ATP10B: variants seen among roughly 807,000 people sequenced by gnomAD.
ATP10B encodes ATPase phospholipid transporting 10B (putative).
In ATP10B, 122 loss-of-function variants were observed where a neutral mutation model predicts 141.2. That is an observed-to-expected ratio of 0.86 (90% CI 0.75 to 1.00). The LOEUF is 1.00. Among genes scored for constraint, ATP10B ranks in the 50% least tolerant of loss-of-function variants. The pLI, the probability that ATP10B is intolerant of heterozygous loss-of-function variation, is 0.00. For synonymous variants in ATP10B, 685 were observed against 692.0 expected (o/e 0.99, Z 0.16); for missense variants, 1,876 against 1,825.3 (o/e 1.03, Z -0.51).
At chr5:160,866,661 C>A in the ATP10B span, among the ~76,000 whole-genome samples, 3 of 152,036 alleles carry the variant, frequency 2.0e-5, no homozygotes, top group South Asian at 2.1e-4. Context: ...GCAACAAGAG[C>A]AAAACCCTGT....
intron 2 of ATP10B, among the ~76,000 whole-genome samples, chr5:160,739,558 TAA>T (rs758332548): frequency 6.6e-6 from 1 of 152,208 alleles, no homozygotes; most frequent in Non-Finnish European, 1.5e-5. Flanking sequence ...TAAAACTCCA[TAA>T]AATTACTAAA....
chr5:160,867,484 G>A, the ATP10B span, among the ~76,000 whole-genome samples: 1 of 152,080 alleles, frequency 6.6e-6, no homozygotes, highest in Non-Finnish European at 1.5e-5. Context: ...CAGAAATGGG[G>A]CTACTCCTGA....
chr5:160,796,223 T>C (rs1372455260), intron 1 of ATP10B, among the ~76,000 whole-genome samples: 4 of 152,218 alleles, frequency 2.6e-5, no homozygotes, highest in Admixed American at 2.0e-4. Flanking sequence ...CCTCTTTCCC[T>C]GAGAACTCTC....
At chr5:160,906,246 AT>A in the ATP10B span, among the ~76,000 whole-genome samples, 1 of 151,328 alleles carries the variant, frequency 6.6e-6, no homozygotes, top group South Asian at 2.2e-4. Flanking sequence ...ATGGAAGTAG[AT>A]TGTGTTTGGA....
At chr5:160,850,366 T>C (rs1289029203) in intron 1 of ATP10B, among the ~76,000 whole-genome samples, 1 of 151,992 alleles carries the variant, frequency 6.6e-6, no homozygotes, top group Admixed American at 6.6e-5. Context: ...AGAGGTTGCA[T>C]TGAGCTGAGA....
At chr5:160,729,002 T>A (rs1236653527) in intron 2 of ATP10B, among the ~76,000 whole-genome samples, 1 of 152,168 alleles carries the variant, frequency 6.6e-6, no homozygotes, top group African/African-American at 2.4e-5. Flanking sequence ...GCCACAGAGC[T>A]CCCTGATCCT....
At chr5:160,595,659 A>G (rs1431129695) in intron 22 of ATP10B, among the ~76,000 whole-genome samples, 2 of 151,914 alleles carry the variant, frequency 1.3e-5, no homozygotes, top group East Asian at 3.9e-4. Context: ...ATTAATAAAG[A>G]AAAAAAGAGA....
At chr5:160,756,855 T>C (rs1363518994) in intron 2 of ATP10B, among the ~76,000 whole-genome samples, 5 of 152,202 alleles carry the variant, frequency 3.3e-5, no homozygotes, top group East Asian at 1.9e-4. Context: ...TTTAGACATA[T>C]TGTCTTTTGT....
At chr5:160,859,498 C>T in the ATP10B span, among the ~76,000 whole-genome samples, 53 of 151,322 alleles carry the variant, frequency 3.5e-4, no homozygotes, top group Middle Eastern at 3.4e-3. Context: ...AAGCACAGGC[C>T]CCCTCCCCAT....
At chr5:160,727,726 C>T (rs901276252) in intron 2 of ATP10B, among the ~76,000 whole-genome samples, 1 of 152,058 alleles carries the variant, frequency 6.6e-6, no homozygotes, top group African/African-American at 2.4e-5. Flanking sequence ...CTCAGGATCC[C>T]AAAGTCCTTA....
At chr5:160,720,452 T>C (rs753167425) in intron 2 of ATP10B, among the ~76,000 whole-genome samples, 23 of 152,246 alleles carry the variant, frequency 1.5e-4, no homozygotes, top group Non-Finnish European at 2.9e-4. Flanking sequence ...TCTTAAACAC[T>C]TTTCTTTGCT....
chr5:160,925,228 T>C, the ATP10B span, among the ~76,000 whole-genome samples: 307 of 152,372 alleles, frequency 2.0e-3, 3 homozygotes, highest in African/African-American at 7.2e-3. Context: ...CTATTATTCA[T>C]TAGTTCCTTA....
At chr5:160,863,724 G>C in the ATP10B span, among the ~76,000 whole-genome samples, 1 of 151,930 alleles carries the variant, frequency 6.6e-6, no homozygotes, top group African/African-American at 2.4e-5. Flanking sequence ...CAAGAAGAGA[G>C]AAGATCTGAA....
chr5:160,677,194 C>T (rs1163895312), intron 6 of ATP10B, among the ~76,000 whole-genome samples: 2 of 152,216 alleles, frequency 1.3e-5, no homozygotes, highest in Non-Finnish European at 2.9e-5. Flanking sequence ...TTTTATGACT[C>T]TCCCACCCAG....
chr5:160,569,812 G>A, intron 24 of ATP10B, 129 bp from the exon 25 acceptor site: 1 of 735,054 alleles, frequency 1.4e-6, no homozygotes, highest in South Asian at 2.2e-5. Context: ...TCAAAAAAGT[G>A]TGCAGCTTAA....
intron 1 of ATP10B, among the ~76,000 whole-genome samples, chr5:160,815,927 A>G (rs1018974187): frequency 6.6e-6 from 1 of 152,180 alleles, no homozygotes; most frequent in Non-Finnish European, 1.5e-5. Context: ...GTACATAACG[A>G]AATGAAGGCA....
At chr5:160,804,119 A>G (rs1772606450) in intron 1 of ATP10B, among the ~76,000 whole-genome samples, 1 of 152,186 alleles carries the variant, frequency 6.6e-6, no homozygotes, top group African/African-American at 2.4e-5. Flanking sequence ...ATACATAGAG[A>G]TAAGCAGATC....
chr5:160,645,837 C>A (rs1479686449), intron 8 of ATP10B, among the ~76,000 whole-genome samples: 1 of 152,146 alleles, frequency 6.6e-6, no homozygotes, highest in East Asian at 1.9e-4. Context: ...AGCCTCATGA[C>A]AACCTTATAA....
At chr5:160,678,388 G>A (rs180797284) in intron 6 of ATP10B, among the ~76,000 whole-genome samples, 62 of 152,300 alleles carry the variant, frequency 4.1e-4, no homozygotes, top group African/African-American at 1.4e-3. Flanking sequence ...GGCTGGGCGT[G>A]GTGGCTCACG....
Sources: gnomAD v4.1 joint callset for allele counts (sites outside exome capture counted in the v4.1 genomes callset) on GRCh38, gnomAD v4.1.1 for gene constraint, MANE v1.5 for transcripts, NCBI Gene and HGNC (gene_info 2026-07-23, HGNC 2026-07-21) for gene names.